Variants in CDH7 observed in about 807,000 individuals in gnomAD.
The protein encoded by CDH7 is cadherin 7.
In CDH7, 25 loss-of-function variants were observed where a neutral mutation model predicts 71.8. The ratio of observed to expected loss-of-function variants is 0.35; its 90% CI spans 0.25 to 0.49. The LOEUF (loss-of-function observed/expected upper bound fraction) is 0.49. Ranked by LOEUF, CDH7 falls within the 20% of genes least tolerant of loss-of-function variation. CDH7 has a pLI of 0.99. For synonymous variants in CDH7, 381 were observed against 363.8 expected, an observed-to-expected ratio of 1.05 and a Z score of -0.54; for missense variants, 862 against 974.6, an observed-to-expected ratio of 0.88 and a Z score of 1.54.
chr18:65,829,737 G>A (rs996997224), intron 6 of CDH7, among the ~76,000 whole-genome samples: 2 of 150,990 alleles, frequency 1.3e-5, no homozygotes, highest in Admixed American at 6.6e-5. Context: ...GAAGCACAGC[G>A]CCTGTACCAG....
chr18:65,811,086 T>C (rs921364726), intron 3 of CDH7, among the ~76,000 whole-genome samples: 1 of 152,174 alleles, frequency 6.6e-6, no homozygotes, highest in African/African-American at 2.4e-5. Context: ...GGGTTGATTA[T>C]TATATATTTA....
At chr18:65,788,466 A>G (rs1311926261) in intron 2 of CDH7, among the ~76,000 whole-genome samples, 6 of 152,222 alleles carry the variant, frequency 3.9e-5, no homozygotes, top group African/African-American at 1.2e-4. Flanking sequence ...GAAAGACCCT[A>G]CATATCACAT....
intron 6 of CDH7, among the ~76,000 whole-genome samples, chr18:65,840,022 C>T (rs900788962): frequency 6.6e-6 from 1 of 152,082 alleles, no homozygotes; most frequent in Non-Finnish European, 1.5e-5. Context: ...TCTGGGTTAC[C>T]TATCAAAAAT....
upstream of CDH7, chr18:65,750,605 C>G (rs1190196938): frequency 6.6e-6 from 1 of 152,310 alleles, no homozygotes; most frequent in Non-Finnish European, 1.5e-5. Context: ...GCGTGGCGGC[C>G]GAGCGGCTCC....
At chr18:65,807,585 C>A (rs1179297371) in intron 2 of CDH7, among the ~76,000 whole-genome samples, 1 of 152,158 alleles carries the variant, frequency 6.6e-6, no homozygotes, top group Non-Finnish European at 1.5e-5. Flanking sequence ...AAGTTGCTAC[C>A]AGGTGCCGCC....
At chr18:65,813,195 G>T (rs1180660879) in intron 3 of CDH7, among the ~76,000 whole-genome samples, 1 of 152,206 alleles carries the variant, frequency 6.6e-6, no homozygotes, top group Non-Finnish European at 1.5e-5. Context: ...AGCTGGGCAT[G>T]GTGGCGCATG....
At chr18:65,830,561 CCTCT>C (rs1317139743) in intron 6 of CDH7, among the ~76,000 whole-genome samples, 4 of 149,678 alleles carry the variant, frequency 2.7e-5, no homozygotes, top group African/African-American at 4.9e-5. Flanking sequence ...TTCTTTCCTT[CCTCT>C]CTCTCTCCTT....
rs865896099 is a variant in CDH7, at chr18:65,780,785, C to T, written c.210+17733C>T. Among the ~76,000 whole-genome samples the T allele has an allele frequency of 3.9e-4, 59 of 151,982 alleles. 1 individual carries two copies. The highest frequency in any genetic ancestry group is 1.9e-3 in the South Asian group (9 of 4,814). ...TTGGCTTAGGATTGACTTGGCAATG[C>T]GGGCTCTTTTTTGGTTCCATATGAC... On this transcript the variant is annotated intron_variant, in intron 2 of 11. Coordinates refer to ENST00000397968, the MANE Select transcript of CDH7 (RefSeq NM_004361.5).
At chr18:65,752,753 A>G (rs1915920604) in intron 1 of CDH7, among the ~76,000 whole-genome samples, 1 of 152,218 alleles carries the variant, frequency 6.6e-6, no homozygotes, top group South Asian at 2.1e-4. Context: ...CAATAGTCTT[A>G]TCTGGGAAAG....
intron 4 of CDH7, among the ~76,000 whole-genome samples, chr18:65,815,167 G>A (rs12960633): frequency 0.61 from 92,399 of 151,954 alleles, 29,606 homozygotes; most frequent in East Asian, 0.96. Context: ...TATGTAGTTG[G>A]TTTGTTCTGT....
intron 8 of CDH7, among the ~76,000 whole-genome samples, chr18:65,858,552 T>G (rs1425785806): frequency 2.6e-5 from 4 of 151,904 alleles, no homozygotes; most frequent in African/African-American, 9.7e-5. Flanking sequence ...CTTTCAACAA[T>G]TTTCTCATCA....
At chr18:65,864,408 T>G (rs1388124146) in intron 11 of CDH7, among the ~76,000 whole-genome samples, 1 of 140,932 alleles carries the variant, frequency 7.1e-6, no homozygotes, top group Non-Finnish European at 1.5e-5. Flanking sequence ...TTTTGTTTTG[T>G]TTTTTTTTTT....
rs1301366852 is a variant in CDH7 at position 65,781,892 on chromosome 18, C to T, written c.210+18840C>T. Among the ~76,000 whole-genome samples the T allele has an allele frequency of 3.3e-4, 30 of 91,292 alleles. 1 individual carries two copies. The highest frequency in any genetic ancestry group is 6.0e-4 in the Non-Finnish European group (28 of 46,792). 59.9% of individuals were successfully genotyped at this position (91,292 alleles called of 152,430 possible). A position where few individuals can be genotyped will look rare whatever the true frequency, so the allele number is the denominator to read the frequency against. ...TCTCTCTCTCTCTGTCTCTCTCTCT[C>T]TTTCTCTCTATCTTTCTCTCTTTCT... On this transcript the variant is annotated intron_variant, in intron 2 of 11. Coordinates refer to ENST00000397968, the MANE Select transcript of CDH7 (RefSeq NM_004361.5).
At chr18:65,806,056 GA>G (rs1307560046) in intron 2 of CDH7, among the ~76,000 whole-genome samples, 1 of 152,280 alleles carries the variant, frequency 6.6e-6, no homozygotes, top group East Asian at 1.9e-4. Flanking sequence ...GGGCCTGATG[GA>G]ACATTAATAG....
At chr18:65,771,259 A>G (rs1916533463) in intron 2 of CDH7, among the ~76,000 whole-genome samples, 1 of 152,176 alleles carries the variant, frequency 6.6e-6, no homozygotes, top group Admixed American at 6.5e-5. Context: ...AATTCATAAG[A>G]AATGAACGAA....
chr18:65,778,270 T>C (rs1283690661), intron 2 of CDH7, among the ~76,000 whole-genome samples: 6 of 40,770 alleles, frequency 1.5e-4, no homozygotes, highest in Admixed American at 4.4e-4. Context: ...AGACTCTGTC[T>C]CAAAAAAAAA....
In CDH7 at chr18:65,881,174, A is replaced by C. The variant is rs2144074816; in HGVS notation, c.*280A>C. ...CTCAGTGGTTTGTGAATAGATAGCA[A>C]CTCTCATATACCTGCAAAGGCACCA... is the stretch of plus-strand genomic sequence containing the variant. On this transcript the variant is annotated 3_prime_UTR_variant, in exon 12 of 12. Coordinates refer to ENST00000397968, the MANE Select transcript of CDH7 (RefSeq NM_004361.5). The C allele has an allele frequency of 3.7e-6, 1 of 271,112 alleles. No homozygotes were observed. Among genetic ancestry groups the C allele is most frequent in the East Asian group, 7.3e-5 (1 of 13,618 alleles). The allele number at this position is 271,112 out of a possible 1,614,324, so 16.8% of individuals were successfully genotyped here.
At chr18:65,770,921 T>TAAACAATA (rs1474592463) in intron 2 of CDH7, among the ~76,000 whole-genome samples, 1 of 152,174 alleles carries the variant, frequency 6.6e-6, no homozygotes, top group Admixed American at 6.5e-5. Context: ...TTAGATAACT[T>TAAACAATA]AAACAATAGA....
chr18:65,789,176 T>G (rs1361771002), intron 2 of CDH7, among the ~76,000 whole-genome samples: 4 of 152,082 alleles, frequency 2.6e-5, no homozygotes, highest in African/African-American at 9.7e-5. Flanking sequence ...AGTGGGAGAT[T>G]AAGGAAAGAG....
Sources: allele counts gnomAD v4.1 joint callset (sites outside exome capture counted in the v4.1 genomes callset), GRCh38; gene constraint gnomAD v4.1.1; transcripts MANE v1.5; gene names NCBI Gene and HGNC (gene_info 2026-07-23, HGNC 2026-07-21).